LINGO2: variants seen among roughly 807,000 people sequenced by gnomAD.
LINGO2 encodes the protein leucine-rich repeat and immunoglobulin-like domain-containing nogo receptor-interacting protein 2.
In LINGO2, 14 loss-of-function variants were observed where a neutral mutation model predicts 30.6. The ratio of observed to expected loss-of-function variants is 0.46; its 90% CI spans 0.30 to 0.72. The LOEUF (loss-of-function observed/expected upper bound fraction) is 0.72, where lower values mean the gene tolerates loss of function less well. LINGO2 is among the 30% of genes least tolerant of loss of function. LINGO2 has a pLI of 0.07. For synonymous variants in LINGO2, 317 were observed against 288.5 expected (o/e 1.10, Z -1.00); for missense variants, 729 against 751.7 (o/e 0.97, Z 0.35).
the LINGO2 span, among the ~76,000 whole-genome samples, chr9:29,108,522 C>T: frequency 6.6e-6 from 1 of 152,114 alleles, no homozygotes; most frequent in Admixed American, 6.6e-5. Flanking sequence ...AGCAAAGATG[C>T]TACCAATTAA....
chr9:28,794,322 AC>A, the LINGO2 span, among the ~76,000 whole-genome samples: 4 of 152,086 alleles, frequency 2.6e-5, no homozygotes, highest in Admixed American at 2.0e-4. Flanking sequence ...ACAAAACAAA[AC>A]CAAAACACAC....
chr9:28,123,940 A>C (rs1337817825), intron 4 of LINGO2, among the ~76,000 whole-genome samples: 1 of 152,182 alleles, frequency 6.6e-6, no homozygotes, highest in Admixed American at 6.5e-5. Flanking sequence ...TGCTGGGATT[A>C]CAGGTGTGAG....
the LINGO2 span, among the ~76,000 whole-genome samples, chr9:29,066,280 G>A: frequency 1.3e-5 from 2 of 152,070 alleles, no homozygotes; most frequent in South Asian, 2.1e-4. Flanking sequence ...AAACAGCAGT[G>A]ATACGTCGCA....
the LINGO2 span, among the ~76,000 whole-genome samples, chr9:28,989,825 G>C: frequency 6.6e-6 from 1 of 152,166 alleles, no homozygotes. Flanking sequence ...GTAAATGTTT[G>C]CACATAAAAT....
chr9:28,408,774 C>CAAAAAAAAAAAAAAAAAAAAAAAA (rs68142692), intron 2 of LINGO2, among the ~76,000 whole-genome samples: 1 of 127,566 alleles, frequency 7.8e-6, no homozygotes, highest in Non-Finnish European at 1.6e-5. Flanking sequence ...TATAAAAAAA[C>CAAAAAAAAAAAAAAAAAAAAAAAA]AAAAAAAAAA....
intron 4 of LINGO2, among the ~76,000 whole-genome samples, chr9:28,084,144 G>A (rs913787792): frequency 6.6e-6 from 1 of 152,084 alleles, no homozygotes; most frequent in Non-Finnish European, 1.5e-5. Flanking sequence ...CATATATACA[G>A]CCCTCAGAGC....
chr9:28,894,492 G>C, the LINGO2 span, among the ~76,000 whole-genome samples: 1 of 151,630 alleles, frequency 6.6e-6, no homozygotes, highest in East Asian at 1.9e-4. Flanking sequence ...TTCATTTCTT[G>C]CTTAGTAGTA....
At chr9:28,907,925 G>C in the LINGO2 span, among the ~76,000 whole-genome samples, 2 of 151,542 alleles carry the variant, frequency 1.3e-5, no homozygotes, top group Admixed American at 6.6e-5. Flanking sequence ...GACAACTACA[G>C]GCAAGGGATA....
At chr9:28,834,578 G>C in the LINGO2 span, among the ~76,000 whole-genome samples, 1 of 152,032 alleles carries the variant, frequency 6.6e-6, no homozygotes, top group African/African-American at 2.4e-5. Context: ...ATAACACCTG[G>C]AAGTAATGAA....
chr9:29,058,410 G>A, the LINGO2 span, among the ~76,000 whole-genome samples: 234 of 151,672 alleles, frequency 1.5e-3, no homozygotes, highest in African/African-American at 5.4e-3. Flanking sequence ...ATCACAAGGA[G>A]GAAAAACACC....
the LINGO2 span, among the ~76,000 whole-genome samples, chr9:28,865,351 C>T: frequency 1.3e-5 from 2 of 152,054 alleles, no homozygotes; most frequent in Admixed American, 6.6e-5. Flanking sequence ...CAAAGGTCCT[C>T]CAGCTCTTCA....
intron 4 of LINGO2, among the ~76,000 whole-genome samples, chr9:28,105,604 T>C (rs1168825246): frequency 6.6e-6 from 1 of 152,134 alleles, no homozygotes; most frequent in African/African-American, 2.4e-5. Flanking sequence ...CCCTAACCCC[T>C]GTGTGACTAC....
chr9:28,947,694 A>G, the LINGO2 span, among the ~76,000 whole-genome samples: 56 of 151,730 alleles, frequency 3.7e-4, no homozygotes, highest in Non-Finnish European at 4.7e-4. Context: ...ATACACACAC[A>G]CATATACACG....
chr9:28,489,629 G>C (rs1369818680), intron 1 of LINGO2, among the ~76,000 whole-genome samples: 1 of 152,024 alleles, frequency 6.6e-6, no homozygotes, highest in East Asian at 1.9e-4. Context: ...GCTGGGCGTG[G>C]TGGCTCACAC....
intron 1 of LINGO2, among the ~76,000 whole-genome samples, chr9:28,576,388 T>C (rs1410731860): frequency 6.6e-6 from 1 of 151,974 alleles, no homozygotes; most frequent in Non-Finnish European, 1.5e-5. Flanking sequence ...AATAGAACCT[T>C]CATAAGCCAA....
At chr9:28,914,892 GGAGGCC>G in the LINGO2 span, among the ~76,000 whole-genome samples, 1 of 152,192 alleles carries the variant, frequency 6.6e-6, no homozygotes, top group African/African-American at 2.4e-5. Flanking sequence ...CAGCACTTTG[GGAGGCC>G]GAGGCAGGCG....
At chr9:29,004,531 C>A in the LINGO2 span, among the ~76,000 whole-genome samples, 1 of 151,848 alleles carries the variant, frequency 6.6e-6, no homozygotes, top group African/African-American at 2.4e-5. Context: ...TTATGTAATT[C>A]TATGTACTCT....
chr9:29,201,625 T>C, the LINGO2 span, among the ~76,000 whole-genome samples: 1 of 138,484 alleles, frequency 7.2e-6, no homozygotes, highest in Admixed American at 7.4e-5. Flanking sequence ...TAGAAAGAGA[T>C]TTCAAGTTCA....
At chr9:27,968,704 A>T (rs971423020) in intron 5 of LINGO2, among the ~76,000 whole-genome samples, 2 of 151,754 alleles carry the variant, frequency 1.3e-5, no homozygotes, top group Non-Finnish European at 2.9e-5. Context: ...TCATAGGTAA[A>T]CTCTGTTCTG....
Sources: gnomAD v4.1 joint callset for allele counts (sites outside exome capture counted in the v4.1 genomes callset) on GRCh38, gnomAD v4.1.1 for gene constraint, MANE v1.5 for transcripts, NCBI Gene and HGNC (gene_info 2026-07-23, HGNC 2026-07-21) for gene names.